The following CACUL1 variants were observed in gnomAD, a reference collection of about 807,000 sequenced individuals.
CACUL1 encodes CDK2-associated and cullin domain-containing protein 1.
Under a neutral mutation model 45.2 loss-of-function variants are expected in CACUL1, and 13 were observed. The observed-to-expected ratio is 0.29, with a 90% CI of 0.19 to 0.46. CACUL1 has a LOEUF of 0.46. Among genes scored for constraint, CACUL1 ranks in the 20% least tolerant of loss-of-function variants. The probability of loss-of-function intolerance (pLI) is 1.00; values close to 1 mark genes in which losing one functional copy is unlikely to be tolerated. For missense variants in CACUL1, 421 were observed against 471.4 expected (o/e 0.89, Z 0.99); for synonymous variants, 197 against 174.2 (o/e 1.13, Z -1.03).
At position 118,681,910 on chromosome 10, in the gene CACUL1, T is replaced by C. The variant is rs12766509; in HGVS notation, c.*4218A>G. 1 of 152,238 alleles carries C rather than the reference T, an allele frequency of 6.6e-6. No individual in the cohort carries two copies. Among genetic ancestry groups the C allele is most frequent in the East Asian group, 1.9e-4 (1 of 5,202 alleles). The allele number at this position is 152,238 out of a possible 1,614,324, so 9.4% of individuals were successfully genotyped here. A position where few individuals can be genotyped will look rare whatever the true frequency, so the allele number is the denominator to read the frequency against. On this transcript the variant is annotated 3_prime_UTR_variant, in exon 9 of 9. Coordinates refer to ENST00000369151, the MANE Select transcript of CACUL1 (RefSeq NM_153810.5). ...ACAGGGTTCCTTTCTCATATTCTTGTGGCCAGAAACTGGGGTGAACTTCAG... is the reference window on the plus strand; with the variant it reads ...ACAGGGTTCCTTTCTCATATTCTTGCGGCCAGAAACTGGGGTGAACTTCAG...
At chr10:118,707,701 C>CAAAAA (rs879008510) in intron 3 of CACUL1, 114 bp from the exon 4 acceptor site, 36 of 331,208 alleles carry the variant, frequency 1.1e-4, no homozygotes, top group African/African-American at 7.2e-4. Context: ...TCACAATTAA[C>CAAAAA]AAAAAAAAAA....
chr10:118,720,291 G>A (rs1247229987), intron 3 of CACUL1, among the ~76,000 whole-genome samples: 1 of 152,118 alleles, frequency 6.6e-6, no homozygotes, highest in Non-Finnish European at 1.5e-5. Flanking sequence ...AAGGTTCAAG[G>A]ATTACTAAAT....
intron 1 of CACUL1, among the ~76,000 whole-genome samples, chr10:118,746,012 C>A (rs374242573): frequency 6.6e-6 from 1 of 150,764 alleles, no homozygotes; most frequent in African/African-American, 2.4e-5. Context: ...ATTAGCTGGG[C>A]GTGGTGGCTG....
intron 7 of CACUL1, 190 bp from the exon 8 acceptor site, chr10:118,686,831 T>G: frequency 1.7e-6 from 1 of 592,118 alleles, no homozygotes; most frequent in Non-Finnish European, 3.0e-6. Flanking sequence ...AACATGAGCC[T>G]TTACCTGTAT....
chr10:118,703,525 G>A (rs1365052494), intron 4 of CACUL1, among the ~76,000 whole-genome samples: 4 of 152,052 alleles, frequency 2.6e-5, no homozygotes, highest in African/African-American at 9.7e-5. Context: ...TTAAAAACCT[G>A]CATAATTCTT....
At chr10:118,750,045 G>T (rs1474020799) in intron 1 of CACUL1, among the ~76,000 whole-genome samples, 1 of 152,208 alleles carries the variant, frequency 6.6e-6, no homozygotes, top group Non-Finnish European at 1.5e-5. Flanking sequence ...AAGAAAGGAG[G>T]GCCGGGCGTG....
intron 5 of CACUL1, among the ~76,000 whole-genome samples, chr10:118,699,633 A>T (rs1483958055): frequency 7.2e-6 from 1 of 139,754 alleles, no homozygotes; most frequent in Non-Finnish European, 1.5e-5. Flanking sequence ...TAATACCTGG[A>T]ATACCTCATG....
At chr10:118,710,322 C>T (rs1209752918) in intron 3 of CACUL1, among the ~76,000 whole-genome samples, 1 of 152,132 alleles carries the variant, frequency 6.6e-6, no homozygotes, top group African/African-American at 2.4e-5. Flanking sequence ...CACCTGTCTA[C>T]AGTTCTACAG....
At position 118,713,301 on chromosome 10, in the gene CACUL1, GGGT is replaced by G. The variant is rs530053448; in HGVS notation, c.598-5717_598-5715del. On this transcript the variant is annotated intron_variant, in intron 3 of 8. Coordinates refer to ENST00000369151, the MANE Select transcript of CACUL1 (RefSeq NM_153810.5). ...ACACTTCTGAGCCTTCGAGGGCAGG[GGGT>G]CCTTCCTGGGCCCCCAAGAATGCAG... is the stretch of plus-strand genomic sequence containing the variant. Among the ~76,000 whole-genome samples, 614 of 152,344 alleles carry G rather than the reference GGGT, an allele frequency of 4.0e-3. 7 individuals are homozygous for G. Among genetic ancestry groups the G allele is most frequent in the African/African-American group, 0.014 (594 of 41,580 alleles).
chr10:118,693,635 C>A, intron 6 of CACUL1: 1 of 423,732 alleles, frequency 2.4e-6, no homozygotes, highest in Non-Finnish European at 4.7e-6. Flanking sequence ...ACTTGGGAGG[C>A]AGAATTTGTC....
intron 1 of CACUL1, among the ~76,000 whole-genome samples, chr10:118,731,675 C>T (rs1306700786): frequency 1.1e-4 from 17 of 152,068 alleles, no homozygotes. Flanking sequence ...GATCAGTGGT[C>T]GACAGGGGCT....
chr10:118,732,432 C>A (rs2119645754), intron 1 of CACUL1, among the ~76,000 whole-genome samples: 1 of 152,250 alleles, frequency 6.6e-6, no homozygotes, highest in South Asian at 2.1e-4. Flanking sequence ...ACTGTTGGTG[C>A]CCCACCCATT....
intron 7 of CACUL1, among the ~76,000 whole-genome samples, chr10:118,689,977 C>G (rs74499087): frequency 1.3e-5 from 2 of 152,006 alleles, no homozygotes; most frequent in African/African-American, 4.8e-5. Flanking sequence ...AGAAAAAAAC[C>G]TATAACATCA....
intron 4 of CACUL1, among the ~76,000 whole-genome samples, chr10:118,703,221 C>T (rs1397268785): frequency 6.6e-6 from 1 of 151,508 alleles, no homozygotes; most frequent in Non-Finnish European, 1.5e-5. Context: ...CCTTCTGACC[C>T]ATTCCCAAAA....
chr10:118,726,498 A>G (rs1589614022), intron 3 of CACUL1: 1 of 351,334 alleles, frequency 2.8e-6, no homozygotes, highest in East Asian at 7.6e-5. Context: ...CAATAACACA[A>G]TCACTGCCCT....
In CACUL1 at chr10:118,754,522, G is replaced by C. The variant is rs374964342; in HGVS notation, c.241C>G (p.Pro81Ala). Residue 81 changes from proline to alanine, a missense_variant, in exon 1 of 9, where the codon CCG (proline) becomes GCG (alanine). By Grantham distance (27) the Pro-to-Ala change is conservative (BLOSUM62 -1). Transcript: ENST00000369151. Reference sequence around the variant, plus strand: ...ATGATCACCCCATTAGCCTCCGGCGGTGGCTGCGGCCCCATCGGGAGCCCC... The same window carrying C: ...ATGATCACCCCATTAGCCTCCGGCGCTGGCTGCGGCCCCATCGGGAGCCCC... ...KEGLPMGPQP[P>A]PEANGVIMML... 186 of 1,613,062 alleles carry C rather than the reference G, an allele frequency of 1.2e-4. No individual in the cohort carries two copies. Among genetic ancestry groups the C allele is most frequent in the Non-Finnish European group, 1.6e-4 (184 of 1,179,632 alleles).
chr10:118,713,097 T>A (rs1330304358), intron 3 of CACUL1, among the ~76,000 whole-genome samples: 1 of 152,206 alleles, frequency 6.6e-6, no homozygotes, highest in African/African-American at 2.4e-5. Context: ...GCTTCCTTTC[T>A]GTGCTTGTCA....
At chr10:118,703,480 C>T (rs1017430045) in intron 4 of CACUL1, among the ~76,000 whole-genome samples, 1 of 152,144 alleles carries the variant, frequency 6.6e-6, no homozygotes, top group African/African-American at 2.4e-5. Flanking sequence ...ATAGTCCCTA[C>T]TGATAATACA....
intron 3 of CACUL1, among the ~76,000 whole-genome samples, chr10:118,720,711 G>T (rs918677758): frequency 6.6e-6 from 1 of 152,152 alleles, no homozygotes; most frequent in African/African-American, 2.4e-5. Flanking sequence ...CTTTTTACTG[G>T]ATCTCTATTT....
Sources: gnomAD v4.1 joint callset for allele counts (sites outside exome capture counted in the v4.1 genomes callset) on GRCh38, gnomAD v4.1.1 for gene constraint, MANE v1.5 for transcripts, NCBI Gene and HGNC (gene_info 2026-07-23, HGNC 2026-07-21) for gene names.